LRP2BP: variants seen among roughly 807,000 people sequenced by gnomAD.
The protein encoded by LRP2BP is LRP2 binding protein, also known as LRP2-binding protein.
In LRP2BP, 38 loss-of-function variants were observed where a neutral mutation model predicts 45.2. That is an observed-to-expected ratio of 0.84 (90% CI 0.65 to 1.10). LRP2BP has a LOEUF of 1.10. Ranked by LOEUF, LRP2BP falls within the 50% of genes least tolerant of loss-of-function variation. LRP2BP has a pLI of 0.00. For synonymous variants in LRP2BP, 153 were observed against 153.9 expected, an observed-to-expected ratio of 0.99 and a Z score of 0.04; for missense variants, 385 against 418.9, an observed-to-expected ratio of 0.92 and a Z score of 0.71.
chr4:185,376,590 G>A (rs2095438749), intron 3 of LRP2BP, among the ~76,000 whole-genome samples: 2 of 151,858 alleles, frequency 1.3e-5, no homozygotes, highest in South Asian at 2.1e-4. Flanking sequence ...CACCGCACCC[G>A]GCCTGATAAT....
intron 1 of LRP2BP, among the ~76,000 whole-genome samples, chr4:185,387,517 C>G (rs989683060): frequency 8.5e-5 from 13 of 152,208 alleles, no homozygotes; most frequent in Non-Finnish European, 1.8e-4. Context: ...CAGGCGTGTG[C>G]AGCTAAGATG....
chr4:185,367,298 T>C, intron 8 of LRP2BP, 53 bp from the exon 9 acceptor site: 1 of 1,474,484 alleles, frequency 6.8e-7, no homozygotes, highest in South Asian at 1.2e-5. Context: ...GTTTGGGTCT[T>C]TCTTCTTTTT....
rs2095380910 is a variant in LRP2BP, at chr4:185,364,922, CTA to C, written c.*2256_*2257del. The stretch of plus-strand genomic sequence containing the variant: ...TTTACATTGCGAATGAGAAAGATCA[CTA>C]TTATTTTGTCTCTATATTTATTTAT... On this transcript the variant is annotated 3_prime_UTR_variant, in exon 9 of 9. Transcript: ENST00000505916. 1 of 152,084 alleles carries C rather than the reference CTA, an allele frequency of 6.6e-6. No homozygotes were observed. The highest frequency in any genetic ancestry group is 2.4e-5 in the African/African-American group (1 of 41,402). 9.4% of individuals were successfully genotyped at this position (152,084 alleles called of 1,614,324 possible).
At chr4:185,394,736 T>A (rs765359971) in intron 1 of LRP2BP, 43 bp downstream of exon 1, 75 of 984,918 alleles carry the variant, frequency 7.6e-5, no homozygotes, top group Non-Finnish European at 8.6e-5. Flanking sequence ...CTCTTACTAC[T>A]CAAGATTCAG....
intron 4 of LRP2BP, 117 bp downstream of exon 4, chr4:185,375,496 A>ATATG (rs2095432454): frequency 1.4e-5 from 1 of 69,098 alleles, no homozygotes; most frequent in Non-Finnish European, 2.4e-5. Context: ...AAATATATAT[A>ATATG]TATATATATA....
At chr4:185,391,338 C>G (rs546933928) in intron 1 of LRP2BP, among the ~76,000 whole-genome samples, 2 of 152,304 alleles carry the variant, frequency 1.3e-5, no homozygotes, top group African/African-American at 4.8e-5. Flanking sequence ...ACTGTAAAGT[C>G]GCTTCGTTTT....
upstream of LRP2BP, chr4:185,396,661 G>GC: frequency 4.0e-6 from 2 of 506,298 alleles, no homozygotes; most frequent in Non-Finnish European, 7.0e-6. Context: ...CCCTCCCCCT[G>GC]CCCCCGGCGC....
At chr4:185,378,627 G>A in intron 1 of LRP2BP, 1 of 988,960 alleles carries the variant, frequency 1.0e-6, no homozygotes, top group Non-Finnish European at 1.2e-6. Flanking sequence ...TCAAATTAAA[G>A]CACTTGTCTA....
rs186062845 is a variant in LRP2BP at position 185,383,345 on chromosome 4, T to G, written c.-21-5138A>C. On this transcript the variant is annotated intron_variant, in intron 1 of 8. Transcript: ENST00000505916. Reference sequence around the variant, plus strand: ...AAATAAAAAAATTAGCCAGGTGTGGTGGTGCACACCTATAGTCCTAGCTAC... The same window carrying G: ...AAATAAAAAAATTAGCCAGGTGTGGGGGTGCACACCTATAGTCCTAGCTAC... 3.4e-3 allele frequency among the ~76,000 whole-genome samples: 511 copies of G among 152,208 alleles called. 5 individuals are homozygous for G. Among genetic ancestry groups the G allele is most frequent in the African/African-American group, 0.012 (480 of 41,524 alleles).
At position 185,370,811 on chromosome 4, in the gene LRP2BP, G is replaced by T. The variant is rs113662082; in HGVS notation, c.807C>A (p.Ile269=). 6.2e-7 allele frequency: 1 copy of T among 1,614,022 alleles called. No individual in the cohort carries two copies. The highest frequency in any genetic ancestry group is 1.1e-5 in the South Asian group (1 of 91,064). The part of the protein sequence containing the change: ...FTKCVAFSKR[I]ADYDEVHDIP... ...TGTCGTGAACCTCATCATAGTCAGC[G>T]ATCCTGAGAGGATGTAGAGTTGTGA... is the stretch of plus-strand genomic sequence containing the variant. The change falls in exon 8 of 9, where the codon ATC becomes ATA. Residue 269 remains isoleucine, a synonymous_variant. Coordinates refer to ENST00000505916, the MANE Select transcript of LRP2BP (RefSeq NM_001377440.1).
At chr4:185,378,415 G>A in intron 1 of LRP2BP, 1 of 1,349,208 alleles carries the variant, frequency 7.4e-7, no homozygotes, top group Admixed American at 3.3e-5. Flanking sequence ...CATTCTCCAT[G>A]TCATTTTCCA....
chr4:185,376,832 A>G (rs2095439670), intron 3 of LRP2BP, 77 bp downstream of exon 3: 1 of 980,284 alleles, frequency 1.0e-6, no homozygotes, highest in Admixed American at 2.0e-5. Flanking sequence ...ACAGTAAGAA[A>G]CTCTACATGA....
chr4:185,393,633 C>A (rs529804234), intron 1 of LRP2BP, among the ~76,000 whole-genome samples: 1 of 151,680 alleles, frequency 6.6e-6, no homozygotes, highest in South Asian at 2.1e-4. Flanking sequence ...TCAGGCGATT[C>A]TCCTGCCTCA....
chr4:185,382,496 G>A (rs1198595740), intron 1 of LRP2BP, among the ~76,000 whole-genome samples: 1 of 152,098 alleles, frequency 6.6e-6, no homozygotes, highest in African/African-American at 2.4e-5. Flanking sequence ...AGTGTATAAG[G>A]TTCTACATCC....
At chr4:185,369,147 G>C (rs1413760202) in intron 8 of LRP2BP, among the ~76,000 whole-genome samples, 1 of 150,186 alleles carries the variant, frequency 6.7e-6, no homozygotes, top group African/African-American at 2.5e-5. Context: ...AAATATATTT[G>C]ACTAGAGTTT....
chr4:185,386,832 G>A lies in LRP2BP; in HGVS notation c.-22+7947C>T, dbSNP rs540615768. 1.1e-4 allele frequency among the ~76,000 whole-genome samples: 16 copies of A among 152,304 alleles called. No homozygotes were observed. The East Asian group carries it at 3.1e-3, about 29-fold the overall frequency. On this transcript the variant is annotated intron_variant, in intron 1 of 8. Transcript: ENST00000505916. ...AAGCTGAGGCACCAGCACTACGAAG[G>A]CCACTGAGCTGAGGACAGAGGCAAG... is the stretch of plus-strand genomic sequence containing the variant.
At chr4:185,381,705 T>C (rs1010946907) in intron 1 of LRP2BP, among the ~76,000 whole-genome samples, 4 of 152,196 alleles carry the variant, frequency 2.6e-5, no homozygotes, top group African/African-American at 9.6e-5. Context: ...TGAAGAGTCC[T>C]GGCTATTTCC....
At chr4:185,387,545 A>G (rs970046662) in intron 1 of LRP2BP, among the ~76,000 whole-genome samples, 1 of 152,214 alleles carries the variant, frequency 6.6e-6, no homozygotes, top group Non-Finnish European at 1.5e-5. Flanking sequence ...TGCCTTAAGA[A>G]TTATAAACAT....
rs1264791953 is a variant in LRP2BP, at chr4:185,395,860, G to T, written c.-1103C>A. ...GAATCACTAAAAATGTAGGGGAAAA[G>T]AAACACTCGGCTGGAGCTTTGGTTT... On this transcript the variant is annotated 5_prime_UTR_variant, in exon 1 of 9. Coordinates refer to ENST00000505916, the MANE Select transcript of LRP2BP (RefSeq NM_001377440.1). 3.8e-5 allele frequency: 37 copies of T among 985,368 alleles called. No individual in the cohort carries two copies. The highest frequency in any genetic ancestry group is 4.3e-5 in the Non-Finnish European group (36 of 829,954). 61.0% of individuals were successfully genotyped at this position (985,368 alleles called of 1,614,324 possible). A position where few individuals can be genotyped will look rare whatever the true frequency, so the allele number is the denominator to read the frequency against.
Sources: gnomAD v4.1 joint callset for allele counts (sites outside exome capture counted in the v4.1 genomes callset) on GRCh38, gnomAD v4.1.1 for gene constraint, MANE v1.5 for transcripts, NCBI Gene and HGNC (gene_info 2026-07-23, HGNC 2026-07-21) for gene names.